CREB3L1: variants seen among roughly 807,000 people sequenced by gnomAD.
The protein encoded by CREB3L1 is cyclic AMP-responsive element-binding protein 3-like protein 1.
In CREB3L1, 33 loss-of-function variants were observed where a neutral mutation model predicts 54.5. The ratio of observed to expected loss-of-function variants is 0.61; its 90% CI spans 0.46 to 0.81. CREB3L1 has a LOEUF of 0.81. CREB3L1 is among the 30% of genes least tolerant of loss of function. The probability of loss-of-function intolerance (pLI) is 0.00; values close to 1 mark genes in which losing one functional copy is unlikely to be tolerated. For synonymous variants in CREB3L1, 284 were observed against 286.4 expected (o/e 0.99, Z 0.08); for missense variants, 656 against 673.3 (o/e 0.97, Z 0.29).
intron 2 of CREB3L1, among the ~76,000 whole-genome samples, chr11:46,302,217 AAG>A (rs1939314716): frequency 6.9e-6 from 1 of 145,660 alleles, no homozygotes; most frequent in African/African-American, 2.5e-5. Context: ...TAATAATAAT[AAG>A]CTGTAGACAA....
Position 46,311,140 on chromosome 11 carries a change from C to A in CREB3L1, c.704C>A (p.Ala235Glu). ...LPPSSPVRPM[A>E]RSSTAISTSP... ...CCCTCCAGCCCTGTCAGGCCCATGG[C>A]GCGCTCCTCCACGGCCATCTCCACC... Residue 235 changes from alanine to glutamate, a missense_variant, in exon 5 of 12, where the codon GCG becomes GAG. Ala to Glu is a moderately radical substitution (Grantham distance 107, BLOSUM62 -1). This residue lies in a region of CREB3L1 where 339 missense variants were observed against 331.5 expected (regional missense o/e 1.02). Coordinates refer to ENST00000621158, the MANE Select transcript of CREB3L1 (RefSeq NM_052854.4). The A allele has an allele frequency of 6.2e-7, 1 of 1,604,526 alleles. No homozygotes were observed. Among genetic ancestry groups the A allele is most frequent in the Non-Finnish European group, 8.5e-7 (1 of 1,178,852 alleles).
chr11:46,319,295 G>A (rs539647374), intron 10 of CREB3L1, among the ~76,000 whole-genome samples: 28 of 152,330 alleles, frequency 1.8e-4, no homozygotes, highest in African/African-American at 4.6e-4. Context: ...CTGCAGAGCC[G>A]GAGGGGCAGC....
chr11:46,312,708 G>T (rs1258557444), intron 7 of CREB3L1, 38 bp downstream of exon 7: 1 of 1,586,738 alleles, frequency 6.3e-7, no homozygotes, highest in Non-Finnish European at 8.6e-7. Flanking sequence ...CCACTCCCTT[G>T]CCTGACCTGC....
chr11:46,305,628 GT>G (rs1939375000), intron 2 of CREB3L1, among the ~76,000 whole-genome samples: 2 of 133,178 alleles, frequency 1.5e-5, no homozygotes, highest in African/African-American at 5.8e-5. Flanking sequence ...GTATATATAT[GT>G]ATATATATAC....
chr11:46,278,287 G>T lies in CREB3L1; in HGVS notation c.102+74G>T, dbSNP rs533356018. The T allele has an allele frequency of 3.2e-6, 3 of 925,294 alleles. No homozygotes were observed. Among genetic ancestry groups the T allele is most frequent in the South Asian group, 1.6e-5 (1 of 64,428 alleles). 57.3% of individuals were successfully genotyped at this position (925,294 alleles called of 1,614,324 possible). Reference sequence around the variant, plus strand: ...CGCGGCGCGCCTGGGCCCCTAGAAGGACCCGACTACACATCACTGGGCAGG... The same window carrying T: ...CGCGGCGCGCCTGGGCCCCTAGAAGTACCCGACTACACATCACTGGGCAGG... On this transcript the variant is annotated intron_variant, in intron 1 of 11. Coordinates refer to ENST00000621158, the MANE Select transcript of CREB3L1 (RefSeq NM_052854.4). The surrounding 1 kb of genome is among the most constrained non-coding windows in gnomAD (Gnocchi z 4.2).
intron 1 of CREB3L1, among the ~76,000 whole-genome samples, chr11:46,279,787 G>A (rs931312319): frequency 1.3e-5 from 2 of 152,196 alleles, no homozygotes; most frequent in African/African-American, 4.8e-5. Context: ...AAGCAGGGCA[G>A]TAGAGCCCTG....
At chr11:46,302,341 C>T (rs753696063) in intron 2 of CREB3L1, among the ~76,000 whole-genome samples, 1 of 152,008 alleles carries the variant, frequency 6.6e-6, no homozygotes, top group Non-Finnish European at 1.5e-5. Context: ...CTAAAGCTCT[C>T]CTCTCCCCCT....
intron 1 of CREB3L1, among the ~76,000 whole-genome samples, chr11:46,284,719 A>G (rs1253584482): frequency 6.6e-6 from 1 of 151,806 alleles, no homozygotes; most frequent in Non-Finnish European, 1.5e-5. Flanking sequence ...GAACACGTAT[A>G]GGCATTATTA....
At chr11:46,294,210 T>G (rs1362216131) in intron 1 of CREB3L1, among the ~76,000 whole-genome samples, 1 of 152,120 alleles carries the variant, frequency 6.6e-6, no homozygotes, top group Non-Finnish European at 1.5e-5. Context: ...GGGGAAAATA[T>G]GAAACTTCAG....
intron 2 of CREB3L1, among the ~76,000 whole-genome samples, chr11:46,307,451 C>T (rs1939414950): frequency 1.3e-5 from 2 of 152,146 alleles, no homozygotes; most frequent in Non-Finnish European, 2.9e-5. Flanking sequence ...GTCTTATGTA[C>T]ATTATACTAC....
chr11:46,290,502 G>A (rs1939114363), intron 1 of CREB3L1, among the ~76,000 whole-genome samples: 1 of 151,796 alleles, frequency 6.6e-6, no homozygotes, highest in African/African-American at 2.4e-5. Context: ...TTTCTCTCCA[G>A]GGCTGCAAAT....
In CREB3L1 at chr11:46,320,699, T is replaced by A. The variant is rs770107969; in HGVS notation, c.1524-11T>A. 7.5e-6 allele frequency: 12 copies of A among 1,609,518 alleles called. No homozygotes were observed. Among genetic ancestry groups the A allele is most frequent in the Non-Finnish European group, 9.3e-6 (11 of 1,177,584 alleles). On this transcript the variant is annotated splice_polypyrimidine_tract_variant and intron_variant, in intron 11 of 11. Transcript: ENST00000621158. ...CTGGACAGTCATCGCTGGCCTCTCT[T>A]CTCTCTCCAGGGATCTGGGCCCCAA...
chr11:46,281,051 T>C (rs1938963654), intron 1 of CREB3L1, among the ~76,000 whole-genome samples: 2 of 152,198 alleles, frequency 1.3e-5, no homozygotes, highest in African/African-American at 4.8e-5. Flanking sequence ...GTACACAAAG[T>C]CAAGACAAGT....
At chr11:46,317,756 T>C (rs1939588790) in intron 10 of CREB3L1, among the ~76,000 whole-genome samples, 1 of 152,212 alleles carries the variant, frequency 6.6e-6, no homozygotes. Flanking sequence ...GAGGTGGGTT[T>C]AGGGGATAAC....
At chr11:46,310,144 C>A in intron 4 of CREB3L1, 77 bp downstream of exon 4, 1 of 1,100,826 alleles carries the variant, frequency 9.1e-7, no homozygotes, top group Non-Finnish European at 1.4e-6. Flanking sequence ...TGGTTCAGCC[C>A]ATCCCTATCT....
intron 1 of CREB3L1, among the ~76,000 whole-genome samples, chr11:46,298,367 C>G (rs1234682967): frequency 6.6e-6 from 1 of 152,208 alleles, no homozygotes; most frequent in East Asian, 1.9e-4. Context: ...GACCCACCAG[C>G]AAATTCATTC....
rs369699514 is a variant in CREB3L1, at chr11:46,307,955, G to A, written c.471G>A (p.Pro157=). ...CCGCGGCCGCCATGGCCACCACCCC[G>A]CTGCTGGGCCTCAGCCCCTTGTCCA... is the stretch of plus-strand genomic sequence containing the variant. ...MAAAAAMATT[P]LLGLSPLSRL... is the part of the protein sequence containing the mutation. The change falls in exon 3 of 12, where the codon CCG becomes CCA. Residue 157 remains proline, a synonymous_variant. Coordinates refer to ENST00000621158, the MANE Select transcript of CREB3L1 (RefSeq NM_052854.4). 41 of 1,552,636 alleles carry A rather than the reference G, an allele frequency of 2.6e-5. No individual in the cohort carries two copies. Among genetic ancestry groups the A allele is most frequent in the Middle Eastern group, 2.0e-4 (1 of 5,040 alleles).
chr11:46,310,100 CT>C, intron 4 of CREB3L1, 33 bp downstream of exon 4: 1 of 1,490,326 alleles, frequency 6.7e-7, no homozygotes, highest in Admixed American at 1.9e-5. Context: ...CTCTTTTCCC[CT>C]CCAGTCATAG....
intron 1 of CREB3L1, among the ~76,000 whole-genome samples, chr11:46,288,144 G>A (rs1203511473): frequency 5.3e-5 from 8 of 151,764 alleles, no homozygotes; most frequent in Admixed American, 2.0e-4. Context: ...ATGCAATGGC[G>A]CGACCTCCAC....
Sources: allele counts gnomAD v4.1 joint callset (sites outside exome capture counted in the v4.1 genomes callset), GRCh38; gene constraint gnomAD v4.1.1; regional missense constraint gnomAD v4.1.1; non-coding constraint Gnocchi (gnomAD v3.1); transcripts MANE v1.5; gene names NCBI Gene and HGNC (gene_info 2026-07-23, HGNC 2026-07-21).